The following PDCD1LG2 variants were observed in gnomAD, a reference collection of about 807,000 sequenced individuals.
PDCD1LG2 encodes the protein B7 dendritic cell molecule.
Under a neutral mutation model 28.2 loss-of-function variants are expected in PDCD1LG2, and 32 were observed. The observed-to-expected ratio is 1.13, with a 90% confidence interval of 0.86 to 1.52. PDCD1LG2 has a LOEUF of 1.52. Ranked by LOEUF, PDCD1LG2 falls within the 40% of genes most tolerant of loss-of-function variation. The pLI is 0.00. For synonymous variants in PDCD1LG2, 116 were observed against 120.2 expected, an observed-to-expected ratio of 0.97 and a Z score of 0.23; for missense variants, 385 against 323.8, an observed-to-expected ratio of 1.19 and a Z score of -1.45.
chr9:5,514,225 C>T (rs1336896332), intron 1 of PDCD1LG2, among the ~76,000 whole-genome samples: 2 of 152,214 alleles, frequency 1.3e-5, no homozygotes, highest in East Asian at 3.8e-4. Flanking sequence ...CTGGCTGTGT[C>T]TTATTTACCC....
At position 5,510,674 on chromosome 9, in the gene PDCD1LG2, GTTGA is replaced by G. The variant is rs1436608180; in HGVS notation, c.-140_-137del. The G allele has an allele frequency of 3.9e-5, 6 of 152,650 alleles. No homozygotes were observed. The highest frequency in any genetic ancestry group is 1.2e-4 in the African/African-American group (5 of 41,452). The allele number at this position is 152,650 out of a possible 1,614,324, so 9.5% of individuals were successfully genotyped here. On this transcript the variant is annotated 5_prime_UTR_variant, in exon 1 of 7. An upstream open reading frame in the 5' UTR loses its in-frame stop. Transcript: ENST00000397747. Reference sequence around the variant, plus strand: ...GAATCCTGGGTTGGAGCTACTGCATGTTGATTGTTTTGTTTTTCCTTTTGGCTGT... The same window carrying G: ...GAATCCTGGGTTGGAGCTACTGCATGTTGTTTTGTTTTTCCTTTTGGCTGT...
chr9:5,516,549 C>T (rs989227143), intron 1 of PDCD1LG2, among the ~76,000 whole-genome samples: 7 of 152,226 alleles, frequency 4.6e-5, no homozygotes, highest in African/African-American at 1.7e-4. Context: ...AACCCCTTTC[C>T]GCCAAGGAAC....
At chr9:5,525,366 A>C (rs1197879834) in intron 2 of PDCD1LG2, among the ~76,000 whole-genome samples, 1 of 151,722 alleles carries the variant, frequency 6.6e-6, no homozygotes, top group Non-Finnish European at 1.5e-5. Flanking sequence ...AAAGAAAAAA[A>C]AACACTTATG....
chr9:5,516,559 C>A (rs141455615), intron 1 of PDCD1LG2, among the ~76,000 whole-genome samples: 1 of 152,236 alleles, frequency 6.6e-6, no homozygotes, highest in Non-Finnish European at 1.5e-5. Context: ...CGCCAAGGAA[C>A]CTGTCTCCCT....
intron 4 of PDCD1LG2, among the ~76,000 whole-genome samples, chr9:5,555,800 C>G (rs1437349483): frequency 1.3e-5 from 2 of 152,226 alleles, no homozygotes; most frequent in African/African-American, 4.8e-5. Flanking sequence ...AAAACTCACT[C>G]TCTTAGCCTG....
In PDCD1LG2 at chr9:5,540,142, T is replaced by G. The variant is rs1377580971; in HGVS notation, c.361+5092T>G. Among the ~76,000 whole-genome samples the G allele has an allele frequency of 2.6e-5, 4 of 152,178 alleles. No homozygotes were observed. In the East Asian group the frequency reaches 5.8e-4, roughly 22 times the overall value. ...AGTTAAATAATGAGTGATCATTGGGTGAACAATGAAATCAAGATAGAAATT... is the reference window on the plus strand; with the variant it reads ...AGTTAAATAATGAGTGATCATTGGGGGAACAATGAAATCAAGATAGAAATT... On this transcript the variant is annotated intron_variant, in intron 3 of 6. Transcript: ENST00000397747.
intron 6 of PDCD1LG2, among the ~76,000 whole-genome samples, chr9:5,564,061 G>C (rs1170568004): frequency 6.6e-6 from 1 of 152,198 alleles, no homozygotes; most frequent in Non-Finnish European, 1.5e-5. Context: ...CAGGCACCAA[G>C]AGATGAGGGG....
intron 2 of PDCD1LG2, among the ~76,000 whole-genome samples, chr9:5,531,191 G>A (rs1461036039): frequency 6.6e-6 from 1 of 152,222 alleles, no homozygotes; most frequent in East Asian, 1.9e-4. Context: ...GAGGCCCTCT[G>A]CTTAGTGAAT....
intron 6 of PDCD1LG2, among the ~76,000 whole-genome samples, chr9:5,565,245 T>C (rs1385947584): frequency 6.6e-6 from 1 of 152,218 alleles, no homozygotes; most frequent in East Asian, 1.9e-4. Flanking sequence ...TGCAGTGGTA[T>C]GACCGTGGCT....
chr9:5,561,062 C>T (rs1337977929), intron 5 of PDCD1LG2, among the ~76,000 whole-genome samples: 1 of 152,094 alleles, frequency 6.6e-6, no homozygotes, highest in African/African-American at 2.4e-5. Context: ...TAAAAAATTA[C>T]CTGGCATATA....
intron 5 of PDCD1LG2, among the ~76,000 whole-genome samples, chr9:5,561,557 G>C (rs1319807149): frequency 2.0e-5 from 3 of 152,198 alleles, no homozygotes; most frequent in Non-Finnish European, 4.4e-5. Context: ...AATGGAAGGA[G>C]AAAGTAAGTT....
At chr9:5,560,258 T>C (rs1489977712) in intron 5 of PDCD1LG2, among the ~76,000 whole-genome samples, 6 of 152,226 alleles carry the variant, frequency 3.9e-5, no homozygotes, top group African/African-American at 1.4e-4. Flanking sequence ...AGAAGTTCAG[T>C]GTCTCCCTCT....
intron 6 of PDCD1LG2, among the ~76,000 whole-genome samples, chr9:5,563,971 C>T (rs545746250): frequency 6.6e-6 from 1 of 152,314 alleles, no homozygotes; most frequent in South Asian, 2.1e-4. Context: ...CTACAAAATA[C>T]TTTCACAGCA....
At chr9:5,533,583 G>A (rs1432933968) in intron 2 of PDCD1LG2, among the ~76,000 whole-genome samples, 1 of 152,164 alleles carries the variant, frequency 6.6e-6, no homozygotes. Flanking sequence ...GAAATTATAT[G>A]CAATTGAAGG....
intron 2 of PDCD1LG2, 130 bp from the exon 3 acceptor site, chr9:5,534,615 C>A: frequency 1.3e-6 from 1 of 763,022 alleles, no homozygotes. Flanking sequence ...AAGGATTCGC[C>A]ACGGGAATGT....
intron 4 of PDCD1LG2, among the ~76,000 whole-genome samples, chr9:5,557,163 G>C (rs997922545): frequency 6.6e-6 from 1 of 152,164 alleles, no homozygotes; most frequent in Non-Finnish European, 1.5e-5. Context: ...TTTGGGCTGA[G>C]AGACTTTGCC....
chr9:5,567,561 G>C (rs752357223), intron 6 of PDCD1LG2, among the ~76,000 whole-genome samples: 19 of 152,204 alleles, frequency 1.2e-4, no homozygotes, highest in Non-Finnish European at 2.5e-4. Flanking sequence ...GCCTTGGTTA[G>C]AGTTTACAGA....
At chr9:5,536,525 A>G (rs1002707784) in intron 3 of PDCD1LG2, among the ~76,000 whole-genome samples, 3 of 152,236 alleles carry the variant, frequency 2.0e-5, no homozygotes, top group Admixed American at 2.0e-4. Context: ...AAGGCTGTAC[A>G]TTCTCAGGAT....
At position 5,563,146 on chromosome 9, in the gene PDCD1LG2, A is replaced by C; in HGVS notation, c.767-16A>C. On this transcript the variant is annotated splice_polypyrimidine_tract_variant and intron_variant, in intron 5 of 6. Transcript: ENST00000397747. The stretch of plus-strand genomic sequence containing the variant: ...CTCATTAATCTTATTCCATTTCTGG[A>C]ATTTTTCCTTTTCAGACACAACAAA... 1.9e-6 allele frequency: 3 copies of C among 1,598,090 alleles called. No individual in the cohort carries two copies. Among genetic ancestry groups the C allele is most frequent in the Non-Finnish European group, 2.6e-6 (3 of 1,166,024 alleles).
Sources: allele counts gnomAD v4.1 joint callset (sites outside exome capture counted in the v4.1 genomes callset), GRCh38; gene constraint gnomAD v4.1.1; transcripts MANE v1.5; gene names NCBI Gene and HGNC (gene_info 2026-07-23, HGNC 2026-07-21).